The following TRPA1 variants were observed in gnomAD, a reference collection of about 807,000 sequenced individuals.
TRPA1 encodes the protein transient receptor potential cation channel subfamily A member 1, also known as ankyrin-like with transmembrane domains 1.
In TRPA1, 129 loss-of-function variants were observed where a neutral mutation model predicts 131.3. The ratio of observed to expected loss-of-function variants is 0.98; its 90% CI spans 0.85 to 1.14. The LOEUF is 1.14. Among genes scored for constraint, TRPA1 ranks in the 50% most tolerant of loss-of-function variants. The pLI, the probability that TRPA1 is intolerant of heterozygous loss-of-function variation, is 0.00. For missense variants in TRPA1, 1,304 were observed against 1,354.2 expected, an observed-to-expected ratio of 0.96 and a Z score of 0.58; for synonymous variants, 441 against 451.7, an observed-to-expected ratio of 0.98 and a Z score of 0.30.
In TRPA1 at chr8:72,039,760, T is replaced by G. The variant is rs781178182; in HGVS notation, c.2099A>C (p.His700Pro). The part of the protein sequence containing the change: ...VQNNRIELLN[H>P]PVCKEYLLMK... Reference sequence around the variant, plus strand: ...GAGTAAATATTCTTTACACACAGGATGATTGAGAAGCTCTATGCGGTTATT... The same window carrying G: ...GAGTAAATATTCTTTACACACAGGAGGATTGAGAAGCTCTATGCGGTTATT... The change falls in exon 18 of 27, where the codon CAT (histidine) becomes CCT (proline). Residue 700 changes from histidine to proline, a missense_variant. Transcript: ENST00000262209. 6 of 1,610,494 alleles carry G rather than the reference T, an allele frequency of 3.7e-6. No individual in the cohort carries two copies. Among genetic ancestry groups the G allele is most frequent in the Non-Finnish European group, 5.1e-6 (6 of 1,177,348 alleles).
Position 72,075,361 on chromosome 8 carries a change from G to A in TRPA1, c.49C>T (p.Pro17Ser), listed in dbSNP as rs1806152308. 2 of 1,612,336 alleles carry A rather than the reference G, an allele frequency of 1.2e-6. No homozygotes were observed. The highest frequency in any genetic ancestry group is 1.8e-4 in the Middle Eastern group (1 of 5,464). The change falls in exon 1 of 27, where the codon CCC becomes TCC. Residue 17 changes from proline to serine, a missense_variant. Physicochemically the swap from Pro to Ser is moderately conservative, Grantham distance 74. Transcript: ENST00000262209. Reference protein sequence around the residue: ...KMWRPGEKKEPQGVVYEDVPD... With the variant: ...KMWRPGEKKESQGVVYEDVPD... Reference sequence around the variant, plus strand: ...ACATCCTCATAGACAACGCCCTGGGGCTCCTTCTTTTCTCCAGGGCGCCAC... The same window carrying A: ...ACATCCTCATAGACAACGCCCTGGGACTCCTTCTTTTCTCCAGGGCGCCAC...
At chr8:72,026,118 AT>A (rs750132791) in intron 24 of TRPA1, 45 bp from the exon 25 acceptor site, 1 of 1,488,182 alleles carries the variant, frequency 6.7e-7, no homozygotes, top group Non-Finnish European at 9.4e-7. Flanking sequence ...TAGTTAGTAT[AT>A]GGAATTTTTA....
chr8:72,057,796 G>A lies in TRPA1; in HGVS notation c.1014C>T (p.Ile338=), dbSNP rs377057771. ...TAAGTGGAGAGCGTCCTTCAGAATC[G>A]ATCTTATTAATATCTGCTCCCTAAA... The part of the protein sequence containing the change: ...LISVGADINK[I]DSEGRSPLIL... The change falls in exon 9 of 27, where the codon ATC becomes ATT. Residue 338 remains isoleucine (I), a synonymous_variant. Transcript: ENST00000262209. 6 of 1,613,318 alleles carry A rather than the reference G, an allele frequency of 3.7e-6. No individual in the cohort carries two copies. The highest frequency in any genetic ancestry group is 1.1e-5 in the South Asian group (1 of 91,070).
At chr8:72,083,072 A>AGC in the TRPA1 span, among the ~76,000 whole-genome samples, 1 of 151,948 alleles carries the variant, frequency 6.6e-6, no homozygotes, top group Admixed American at 6.6e-5. Flanking sequence ...CTGCTATTGA[A>AGC]CCTACTAGTA....
At chr8:72,043,639 A>T (rs973152371) in intron 17 of TRPA1, among the ~76,000 whole-genome samples, 5 of 151,778 alleles carry the variant, frequency 3.3e-5, no homozygotes, top group Non-Finnish European at 7.4e-5. Flanking sequence ...ATCTCTTTTT[A>T]AAAATGTCCA....
At chr8:72,056,854 C>T in intron 10 of TRPA1, 63 bp downstream of exon 10, 1 of 1,134,434 alleles carries the variant, frequency 8.8e-7, no homozygotes, top group Non-Finnish European at 1.3e-6. Context: ...TTATAATAAA[C>T]AAAATTAGTT....
intron 11 of TRPA1, 35 bp downstream of exon 11, chr8:72,055,651 A>G (rs2077569016): frequency 6.2e-7 from 1 of 1,613,686 alleles, no homozygotes; most frequent in African/African-American, 1.3e-5. Flanking sequence ...AAACAGAAAG[A>G]AGACATGTTC....
At chr8:72,023,679 A>T in intron 26 of TRPA1, 135 bp downstream of exon 26, 1 of 619,172 alleles carries the variant, frequency 1.6e-6, no homozygotes, top group Non-Finnish European at 2.8e-6. Flanking sequence ...GACTCTCAAT[A>T]CACTAGCTAC....
the TRPA1 span, among the ~76,000 whole-genome samples, chr8:72,081,469 T>G: frequency 6.6e-6 from 1 of 151,814 alleles, no homozygotes. Flanking sequence ...AATAATGTAT[T>G]TTCTGCTATC....
chr8:72,075,859 A>AGTGTGTGTGTGTGT (rs61575164), upstream of TRPA1, among the ~76,000 whole-genome samples: 84 of 135,104 alleles, frequency 6.2e-4, no homozygotes, highest in Non-Finnish European at 9.2e-4. Context: ...CTTGCATGTG[A>AGTGTGTGTGTGTGT]GTGTGTGTGT....
intron 3 of TRPA1, among the ~76,000 whole-genome samples, chr8:72,066,735 A>G (rs959288636): frequency 2.0e-5 from 3 of 152,222 alleles, no homozygotes; most frequent in African/African-American, 7.2e-5. Flanking sequence ...TAGCTACCAA[A>G]GTCTACAAGA....
At chr8:72,084,411 A>T in the TRPA1 span, among the ~76,000 whole-genome samples, 1 of 149,396 alleles carries the variant, frequency 6.7e-6, no homozygotes, top group South Asian at 2.1e-4. Flanking sequence ...TGTAATTTGT[A>T]AGATTTTTTT....
chr8:72,036,005 CAAAAAAAAAAA>C (rs58197251), intron 21 of TRPA1, among the ~76,000 whole-genome samples: 2 of 44,968 alleles, frequency 4.4e-5, no homozygotes, highest in Non-Finnish European at 7.9e-5. Flanking sequence ...TCCCCCTCCA[CAAAAAAAAAAA>C]AAAAAAAAAA....
intron 22 of TRPA1, 50 bp from the exon 23 acceptor site, chr8:72,033,876 A>C: frequency 2.6e-6 from 4 of 1,557,686 alleles, no homozygotes; most frequent in Non-Finnish European, 3.5e-6. Flanking sequence ...TCTACAATGA[A>C]AAAGTGTTTC....
intron 7 of TRPA1, among the ~76,000 whole-genome samples, chr8:72,061,349 T>C (rs765035005): frequency 2.6e-5 from 4 of 152,198 alleles, no homozygotes; most frequent in Admixed American, 6.6e-5. Context: ...TAGACTTCTT[T>C]AGCACATAGA....
At chr8:72,075,620 A>C, upstream of TRPA1, 1 of 579,926 alleles carries the variant, frequency 1.7e-6, no homozygotes, top group South Asian at 2.0e-5. Context: ...TTTGTAGTGC[A>C]GGAAGCAGGC....
chr8:72,075,166 T>C (rs1330982877), intron 1 of TRPA1, 133 bp downstream of exon 1: 8 of 737,792 alleles, frequency 1.1e-5, no homozygotes, highest in Admixed American at 2.0e-5. Flanking sequence ...GGGTCACCTC[T>C]TGGATTGTGC....
chr8:72,036,022 A>G (rs1000543055), intron 21 of TRPA1, among the ~76,000 whole-genome samples: 5 of 149,924 alleles, frequency 3.3e-5, no homozygotes, highest in African/African-American at 1.2e-4. Context: ...AAAAAAAAAA[A>G]AAAAAAAAGA....
intron 15 of TRPA1, among the ~76,000 whole-genome samples, chr8:72,048,949 G>A (rs566848993): frequency 1.4e-4 from 21 of 152,190 alleles, no homozygotes. Context: ...GTAAAAATCT[G>A]TATCTCTGAT....
Sources: gnomAD v4.1 joint callset for allele counts (sites outside exome capture counted in the v4.1 genomes callset) on GRCh38, gnomAD v4.1.1 for gene constraint, MANE v1.5 for transcripts, NCBI Gene and HGNC (gene_info 2026-07-23, HGNC 2026-07-21) for gene names.